Variants in CMTM6 observed in about 807,000 individuals in gnomAD.
CMTM6 encodes CKLF like MARVEL transmembrane domain containing 6, also known as CKLF-like MARVEL transmembrane domain-containing protein 6.
CMTM6 carries 5 observed loss-of-function variants against 13.6 expected under a neutral mutation model. That is an observed-to-expected ratio of 0.37 (90% CI 0.19 to 0.77). The LOEUF is 0.77. Among genes scored for constraint, CMTM6 ranks in the 30% least tolerant of loss-of-function variants. The pLI, the probability that CMTM6 is intolerant of heterozygous loss-of-function variation, is 0.50. For missense variants in CMTM6, 196 were observed against 218.6 expected (o/e 0.90, Z 0.65); for synonymous variants, 99 against 84.5 (o/e 1.17, Z -0.94).
Position 32,491,814 on chromosome 3 carries a change from A to G in CMTM6, c.211T>C (p.Phe71Leu), listed in dbSNP as rs1449422673. Residue 71 changes from phenylalanine to leucine, a missense_variant, in exon 2 of 4, where the codon TTT becomes CTT. Coordinates refer to ENST00000205636, the MANE Select transcript of CMTM6 (RefSeq NM_017801.3). ...AAGGCACTGCAGCTTACAAACTCAA[A>G]AAAATAAAGTCCTCCACATAAAGTA... ...QCTLCGGLYF[F>L]EFVSCSAFLL... 6.2e-7 allele frequency: 1 copy of G among 1,613,942 alleles called. No individual in the cohort carries two copies. Among genetic ancestry groups the G allele is most frequent in the Non-Finnish European group, 8.5e-7 (1 of 1,179,962 alleles).
rs749436784 is a variant in CMTM6, at chr3:32,484,102, G to A, written c.415-5C>T. ...ACTTGCTATAAATCCAAACACCTGAGGAAAAAAAGGAGGAAAGGTTATATG... is the reference window on the plus strand; with the variant it reads ...ACTTGCTATAAATCCAAACACCTGAAGAAAAAAAGGAGGAAAGGTTATATG... On this transcript the variant is annotated splice_region_variant and splice_polypyrimidine_tract_variant and intron_variant, in intron 3 of 3. Transcript: ENST00000205636. 3.8e-6 allele frequency: 6 copies of A among 1,567,880 alleles called. No individual in the cohort carries two copies. In the South Asian group the frequency reaches 6.0e-5, roughly 16 times the overall value.
chr3:32,488,969 C>G (rs1264995258), intron 2 of CMTM6, among the ~76,000 whole-genome samples: 1 of 152,106 alleles, frequency 6.6e-6, no homozygotes, highest in Non-Finnish European at 1.5e-5. Context: ...CTCCACTAAA[C>G]CTAATATCAA....
intron 2 of CMTM6, among the ~76,000 whole-genome samples, chr3:32,490,108 T>C (rs1350890586): frequency 6.6e-6 from 1 of 152,104 alleles, no homozygotes; most frequent in Non-Finnish European, 1.5e-5. Context: ...TTGCTGGGTG[T>C]GGTGGCACAC....
At chr3:32,501,984 C>T (rs1025334287) in intron 1 of CMTM6, among the ~76,000 whole-genome samples, 1 of 152,236 alleles carries the variant, frequency 6.6e-6, no homozygotes, top group East Asian at 1.9e-4. Flanking sequence ...TGTCCTAGTT[C>T]AGCTATCCGC....
chr3:32,483,375 C>G lies in CMTM6; in HGVS notation c.*585G>C, dbSNP rs1018965866. On this transcript the variant is annotated 3_prime_UTR_variant, in exon 4 of 4. Coordinates refer to ENST00000205636, the MANE Select transcript of CMTM6 (RefSeq NM_017801.3). The stretch of plus-strand genomic sequence containing the variant: ...TACGAAGGTCTCAAAGAATTAATAA[C>G]CGTTATCCAAAAATATTATAACATT... The G allele has an allele frequency of 2.0e-5, 3 of 152,498 alleles. No individual in the cohort carries two copies. The highest frequency in any genetic ancestry group is 4.4e-5 in the Non-Finnish European group (3 of 68,042). 9.4% of individuals were successfully genotyped at this position (152,498 alleles called of 1,614,324 possible).
chr3:32,487,271 T>C (rs1484107300), intron 3 of CMTM6, among the ~76,000 whole-genome samples: 1 of 152,214 alleles, frequency 6.6e-6, no homozygotes, highest in African/African-American at 2.4e-5. Flanking sequence ...CTCTGCCTCA[T>C]ACTCCTTGAA....
chr3:32,487,373 T>A (rs894659735), intron 3 of CMTM6, among the ~76,000 whole-genome samples: 2 of 151,974 alleles, frequency 1.3e-5, no homozygotes, highest in Non-Finnish European at 2.9e-5. Context: ...TTTCTTCTTA[T>A]AGAGATGAGG....
At chr3:32,492,894 GACT>G (rs1430989403) in intron 1 of CMTM6, among the ~76,000 whole-genome samples, 1 of 152,150 alleles carries the variant, frequency 6.6e-6, no homozygotes, top group Non-Finnish European at 1.5e-5. Flanking sequence ...ATCATCTATG[GACT>G]ACTACTTCCA....
At chr3:32,499,642 C>T (rs1403802772) in intron 1 of CMTM6, among the ~76,000 whole-genome samples, 1 of 152,176 alleles carries the variant, frequency 6.6e-6, no homozygotes, top group African/African-American at 2.4e-5. Context: ...GTTAGGACTC[C>T]AGTAACTCCT....
intron 2 of CMTM6, 89 bp downstream of exon 2, chr3:32,491,621 G>C: frequency 8.4e-7 from 1 of 1,194,110 alleles, no homozygotes; most frequent in East Asian, 2.4e-5. Context: ...ATGTTGCTGA[G>C]TTTTGAAAAC....
chr3:32,499,941 G>C (rs1009495008), intron 1 of CMTM6, among the ~76,000 whole-genome samples: 1 of 151,548 alleles, frequency 6.6e-6, no homozygotes, highest in Non-Finnish European at 1.5e-5. Context: ...GAACCTCAGA[G>C]GTAATTCAAT....
At chr3:32,490,418 T>C (rs1697241348) in intron 2 of CMTM6, among the ~76,000 whole-genome samples, 1 of 152,182 alleles carries the variant, frequency 6.6e-6, no homozygotes, top group South Asian at 2.1e-4. Context: ...GAAATCCTTA[T>C]ATTAGGTAAA....
chr3:32,487,459 T>G (rs1345120278), intron 3 of CMTM6, among the ~76,000 whole-genome samples: 1 of 152,070 alleles, frequency 6.6e-6, no homozygotes, highest in Non-Finnish European at 1.5e-5. Context: ...CCTCCCAAAG[T>G]GCTGGGATTA....
chr3:32,497,615 T>C (rs1697307773), intron 1 of CMTM6, among the ~76,000 whole-genome samples: 2 of 150,818 alleles, frequency 1.3e-5, no homozygotes, highest in African/African-American at 4.9e-5. Flanking sequence ...ATCCCAGCAC[T>C]TTGGGAGGCC....
intron 1 of CMTM6, among the ~76,000 whole-genome samples, chr3:32,495,548 T>C (rs1697283223): frequency 6.6e-6 from 1 of 152,228 alleles, no homozygotes; most frequent in Admixed American, 6.5e-5. Context: ...CTCGGTTGTA[T>C]AAAAGTCAAT....
chr3:32,486,996 T>G (rs1697210842), intron 3 of CMTM6, among the ~76,000 whole-genome samples: 1 of 152,226 alleles, frequency 6.6e-6, no homozygotes, highest in Admixed American at 6.5e-5. Context: ...GTCAGAACCA[T>G]GAGGCAATTA....
intron 3 of CMTM6, 118 bp from the exon 4 acceptor site, chr3:32,484,215 C>G: frequency 1.1e-6 from 1 of 928,740 alleles, no homozygotes; most frequent in Non-Finnish European, 1.5e-6. Flanking sequence ...ATCTTATACA[C>G]GACTACTCTT....
intron 2 of CMTM6, among the ~76,000 whole-genome samples, chr3:32,488,741 C>T (rs1230792621): frequency 6.6e-6 from 1 of 152,162 alleles, no homozygotes; most frequent in Non-Finnish European, 1.5e-5. Flanking sequence ...TTATCTACTA[C>T]ATAAAAGCTT....
intron 1 of CMTM6, among the ~76,000 whole-genome samples, chr3:32,495,006 C>A (rs554056087): frequency 1.6e-4 from 24 of 151,304 alleles, no homozygotes; most frequent in Admixed American, 4.6e-4. Context: ...TGGGACCTCC[C>A]TGTACTTTTT....
Sources: allele counts gnomAD v4.1 joint callset (sites outside exome capture counted in the v4.1 genomes callset), GRCh38; gene constraint gnomAD v4.1.1; transcripts MANE v1.5; gene names NCBI Gene and HGNC (gene_info 2026-07-23, HGNC 2026-07-21).